PACS1: variants seen among roughly 807,000 people sequenced by gnomAD.
The protein encoded by PACS1 is phosphofurin acidic cluster sorting protein 1.
Under a neutral mutation model 115.0 loss-of-function variants are expected in PACS1, and 24 were observed. The ratio of observed to expected loss-of-function variants is 0.21; its 90% confidence interval spans 0.15 to 0.29. The LOEUF is 0.29. PACS1 is among the 10% of genes least tolerant of loss of function. PACS1 has a pLI of 1.00. For synonymous variants in PACS1, 453 were observed against 504.5 expected (o/e 0.90, Z 1.37); for missense variants, 838 against 1,251.2 (o/e 0.67, Z 4.98).
chr11:66,211,079 C>A, intron 3 of PACS1, 55 bp from the exon 4 acceptor site: 1 of 1,599,944 alleles, frequency 6.3e-7, no homozygotes, highest in Non-Finnish European at 8.6e-7. Context: ...CTCCAGAACC[C>A]CTCAAGGACC....
At chr11:66,243,097 C>G in intron 23 of PACS1, 66 bp downstream of exon 23, 1 of 1,611,964 alleles carries the variant, frequency 6.2e-7, no homozygotes, top group East Asian at 2.2e-5. Flanking sequence ...AGGCAATGGC[C>G]TTTCCCAAGG....
At chr11:66,222,222 G>A (rs1855366724) in intron 10 of PACS1, among the ~76,000 whole-genome samples, 2 of 152,200 alleles carry the variant, frequency 1.3e-5, no homozygotes. Flanking sequence ...ACTGGGGAAG[G>A]AGCAGGTATG....
At chr11:66,231,480 C>T (rs1855593307) in intron 13 of PACS1, among the ~76,000 whole-genome samples, 1 of 152,190 alleles carries the variant, frequency 6.6e-6, no homozygotes, top group Non-Finnish European at 1.5e-5. Flanking sequence ...CTTTTGAAGG[C>T]CTGTGGTGTC....
intron 1 of PACS1, among the ~76,000 whole-genome samples, chr11:66,097,604 G>A (rs542264796): frequency 1.3e-4 from 20 of 152,316 alleles, no homozygotes; most frequent in Middle Eastern, 6.8e-3. Flanking sequence ...TTGACCTATA[G>A]AATCTGTGAG....
At position 66,239,094 on chromosome 11, in the gene PACS1, G is replaced by C. The variant is rs1321261227; in HGVS notation, c.2294-48G>C. 2.5e-6 allele frequency: 4 copies of C among 1,613,566 alleles called. No individual in the cohort carries two copies. The Admixed American group carries it at 6.7e-5, about 27-fold the overall frequency. ...CCGGCTCCTTGCCACCACCAAGTCA[G>C]AGATAGCTTCCTCTGGCCAACTGTG... On this transcript the variant is annotated intron_variant, in intron 20 of 23. Coordinates refer to ENST00000320580, the MANE Select transcript of PACS1 (RefSeq NM_018026.4).
chr11:66,166,310 G>A (rs1028072075), intron 1 of PACS1, among the ~76,000 whole-genome samples: 1 of 152,088 alleles, frequency 6.6e-6, no homozygotes, highest in Non-Finnish European at 1.5e-5. Context: ...ACTACACCCA[G>A]CTAATTTTTG....
At chr11:66,087,328 C>T (rs1476096473) in intron 1 of PACS1, among the ~76,000 whole-genome samples, 2 of 152,170 alleles carry the variant, frequency 1.3e-5, no homozygotes, top group African/African-American at 2.4e-5. Context: ...GCAACCTCCG[C>T]CTCCCAGGTT....
At chr11:66,092,884 C>G (rs1016858158) in intron 1 of PACS1, among the ~76,000 whole-genome samples, 4 of 152,046 alleles carry the variant, frequency 2.6e-5, no homozygotes, top group African/African-American at 9.7e-5. Context: ...TGATCTATAT[C>G]TCTGTTTGGT....
intron 7 of PACS1, chr11:66,217,004 G>A: frequency 1.9e-6 from 1 of 528,658 alleles, no homozygotes; most frequent in Admixed American, 3.2e-5. Context: ...TCGTCAGATA[G>A]AAAAAAGGAG....
intron 1 of PACS1, among the ~76,000 whole-genome samples, chr11:66,071,280 C>T (rs1044487895): frequency 2.6e-5 from 4 of 152,218 alleles, no homozygotes; most frequent in Non-Finnish European, 5.9e-5. Context: ...GCAGGTAAAG[C>T]TCATATAATC....
At chr11:66,149,462 T>C (rs1859190353) in intron 1 of PACS1, among the ~76,000 whole-genome samples, 1 of 152,156 alleles carries the variant, frequency 6.6e-6, no homozygotes, top group Admixed American at 6.5e-5. Context: ...TGTTCCACTT[T>C]ATTATATATT....
chr11:66,216,447 A>T lies in PACS1; in HGVS notation c.806-73A>T. The T allele has an allele frequency of 1.2e-5, 18 of 1,473,522 alleles. 1 individual carries two copies. The South Asian group carries it at 2.1e-4, about 17-fold the overall frequency. 91.3% of individuals were successfully genotyped at this position (1,473,522 alleles called of 1,614,324 possible). On this transcript the variant is annotated intron_variant, in intron 5 of 23. Coordinates refer to ENST00000320580, the MANE Select transcript of PACS1 (RefSeq NM_018026.4). Reference sequence around the variant, plus strand: ...TGTTTCCACCCAAAGAGAACCATTGATTCCAGCCCATCGAAGTTTCTTAGG... The same window carrying T: ...TGTTTCCACCCAAAGAGAACCATTGTTTCCAGCCCATCGAAGTTTCTTAGG...
At chr11:66,169,334 C>G (rs1013607662) in intron 1 of PACS1, among the ~76,000 whole-genome samples, 1 of 150,452 alleles carries the variant, frequency 6.6e-6, no homozygotes, top group Non-Finnish European at 1.5e-5. Flanking sequence ...ATGAAGATTA[C>G]AGGCATTGGT....
At chr11:66,210,043 T>C (rs1855034501) in intron 2 of PACS1, among the ~76,000 whole-genome samples, 1 of 151,888 alleles carries the variant, frequency 6.6e-6, no homozygotes, top group South Asian at 2.1e-4. Flanking sequence ...ATTATTGATA[T>C]TATTTGAGAC....
chr11:66,219,880 C>G (rs1855301697), intron 8 of PACS1, 75 bp downstream of exon 8: 2 of 1,027,166 alleles, frequency 1.9e-6, no homozygotes, highest in Non-Finnish European at 3.1e-6. Context: ...GGAGTACACT[C>G]TGTATTGCCA....
intron 1 of PACS1, among the ~76,000 whole-genome samples, chr11:66,176,378 A>T (rs1372905913): frequency 1.3e-5 from 2 of 151,814 alleles, no homozygotes; most frequent in Non-Finnish European, 2.9e-5. Context: ...CCCCTGTCTA[A>T]AATCCTTTAA....
chr11:66,099,452 C>T (rs1857863003), intron 1 of PACS1, among the ~76,000 whole-genome samples: 1 of 152,046 alleles, frequency 6.6e-6, no homozygotes, highest in Non-Finnish European at 1.5e-5. Flanking sequence ...TCTCAATCTC[C>T]TGACCTCGTG....
At chr11:66,128,650 G>A (rs1053113373) in intron 1 of PACS1, among the ~76,000 whole-genome samples, 1 of 152,134 alleles carries the variant, frequency 6.6e-6, no homozygotes, top group Non-Finnish European at 1.5e-5. Flanking sequence ...TTGGGAGGCT[G>A]AGGAGGGTGG....
chr11:66,112,485 T>C (rs1858212408), intron 1 of PACS1, among the ~76,000 whole-genome samples: 1 of 152,218 alleles, frequency 6.6e-6, no homozygotes, highest in Non-Finnish European at 1.5e-5. Context: ...CACATGCCTC[T>C]CGTTGCTTTC....
Sources: allele counts gnomAD v4.1 joint callset (sites outside exome capture counted in the v4.1 genomes callset), GRCh38; gene constraint gnomAD v4.1.1; transcripts MANE v1.5; gene names NCBI Gene and HGNC (gene_info 2026-07-23, HGNC 2026-07-21).